The following CPLX1 variants were observed in gnomAD, a reference collection of about 807,000 sequenced individuals.
The protein encoded by CPLX1 is complexin 1.
In CPLX1, 6 loss-of-function variants were observed where a neutral mutation model predicts 15.6. That is an observed-to-expected ratio of 0.39 (90% confidence interval 0.21 to 0.76). The LOEUF (loss-of-function observed/expected upper bound fraction) is 0.76, where lower values mean the gene tolerates loss of function less well. Ranked by LOEUF, CPLX1 falls within the 30% of genes least tolerant of loss-of-function variation. CPLX1 has a pLI of 0.43. For missense variants in CPLX1, 242 were observed against 188.6 expected (o/e 1.28, Z -1.66); for synonymous variants, 91 against 75.2 (o/e 1.21, Z -1.08).
intron 2 of CPLX1, among the ~76,000 whole-genome samples, chr4:794,727 G>A: frequency 6.6e-6 from 1 of 152,198 alleles, no homozygotes; most frequent in African/African-American, 2.4e-5. Context: ...GGAAAGGACT[G>A]GCGTCTATAA....
chr4:792,290 C>T lies in CPLX1; in HGVS notation c.207+143G>A, dbSNP rs917219894. ...CCGGAGCCCCCACCCCTCACCCCTC[C>T]GCCACTCTGAAGCCCCCAAAGGGTA... On this transcript the variant is annotated intron_variant, in intron 3 of 3. Transcript: ENST00000304062. 1.7e-5 allele frequency: 12 copies of T among 724,188 alleles called. No homozygotes were observed. In the South Asian group the frequency reaches 1.7e-4, roughly 10 times the overall value. 44.9% of individuals were successfully genotyped at this position (724,188 alleles called of 1,614,324 possible).
intron 2 of CPLX1, among the ~76,000 whole-genome samples, chr4:814,277 A>C (rs1449431044): frequency 6.6e-6 from 1 of 151,972 alleles, no homozygotes; most frequent in Admixed American, 6.6e-5. Context: ...CAGTAGCGCA[A>C]TCTCAGCTCA....
intron 2 of CPLX1, among the ~76,000 whole-genome samples, chr4:804,328 C>T (rs779451200): frequency 6.6e-6 from 1 of 152,198 alleles, no homozygotes; most frequent in Non-Finnish European, 1.5e-5. Context: ...GATGTGGCAG[C>T]ATGGCTAAAT....
chr4:796,164 G>A (rs1466076900), intron 2 of CPLX1, among the ~76,000 whole-genome samples: 1 of 152,192 alleles, frequency 6.6e-6, no homozygotes, highest in East Asian at 1.9e-4. Context: ...TAATGTATAT[G>A]TAAATACTAC....
intron 2 of CPLX1, among the ~76,000 whole-genome samples, chr4:824,237 G>A (rs1746930178): frequency 6.6e-6 from 1 of 152,242 alleles, no homozygotes; most frequent in African/African-American, 2.4e-5. Flanking sequence ...CCACAGCAGT[G>A]GGGCAGAGTG....
chr4:819,860 T>C (rs1215526674), intron 2 of CPLX1, among the ~76,000 whole-genome samples: 1 of 152,180 alleles, frequency 6.6e-6, no homozygotes, highest in African/African-American at 2.4e-5. Context: ...AGCAGCCACT[T>C]TGAGATTGTG....
intron 2 of CPLX1, among the ~76,000 whole-genome samples, chr4:811,551 T>C (rs1167269242): frequency 6.6e-6 from 1 of 152,248 alleles, no homozygotes; most frequent in African/African-American, 2.4e-5. Flanking sequence ...CTGTCTTTAT[T>C]TCTCATTGCA....
At chr4:811,077 G>C (rs1482556608) in intron 2 of CPLX1, among the ~76,000 whole-genome samples, 2 of 152,088 alleles carry the variant, frequency 1.3e-5, no homozygotes, top group Non-Finnish European at 2.9e-5. Context: ...ATGGCTCACT[G>C]CAGCCTTGAA....
intron 3 of CPLX1, chr4:787,495 T>C (rs540861312): frequency 1.3e-5 from 10 of 744,282 alleles, no homozygotes; most frequent in South Asian, 6.1e-5. Context: ...GAGGCCATCC[T>C]GGATTTGAGG....
chr4:809,822 A>G (rs1746628758), intron 2 of CPLX1, among the ~76,000 whole-genome samples: 1 of 151,940 alleles, frequency 6.6e-6, no homozygotes. Flanking sequence ...TTTCTCTAGA[A>G]CTTTATATAA....
Position 792,484 on chromosome 4 carries a change from G to A in CPLX1, c.156C>T (p.Tyr52=), listed in dbSNP as rs756306382. Residue 52 remains tyrosine, a synonymous_variant, in exon 3 of 4, where the codon TAC becomes TAT. Coordinates refer to ENST00000304062, the MANE Select transcript of CPLX1 (RefSeq NM_006651.4). The part of the protein sequence containing the change: ...RQAEEERKAK[Y]AKMEAEREAV... ...CCTCGCGCTCCGCCTCCATCTTGGCGTACTTGGCCTTGCGCTCCTCCTCCG... is the reference window on the plus strand; with the variant it reads ...CCTCGCGCTCCGCCTCCATCTTGGCATACTTGGCCTTGCGCTCCTCCTCCG... The A allele has an allele frequency of 3.7e-6, 6 of 1,612,288 alleles. No homozygotes were observed. The South Asian group carries it at 5.5e-5, about 15-fold the overall frequency.
At chr4:815,581 C>T (rs377593348) in intron 2 of CPLX1, among the ~76,000 whole-genome samples, 20 of 152,308 alleles carry the variant, frequency 1.3e-4, no homozygotes, top group East Asian at 9.6e-4. Flanking sequence ...AGGAGGTTAA[C>T]ACGTGGCATC....
chr4:797,555 T>C (rs1470399725), intron 2 of CPLX1, among the ~76,000 whole-genome samples: 1 of 152,004 alleles, frequency 6.6e-6, no homozygotes, highest in Non-Finnish European at 1.5e-5. Flanking sequence ...CTCGAACTCT[T>C]GACCTCCTGA....
In CPLX1 at chr4:786,284, G is replaced by A. The variant is rs1745983239; in HGVS notation, c.*217C>T. The A allele has an allele frequency of 4.8e-6, 2 of 414,074 alleles. No individual in the cohort carries two copies. Among genetic ancestry groups the A allele is most frequent in the African/African-American group, 4.2e-5 (2 of 48,148 alleles). 25.6% of individuals were successfully genotyped at this position (414,074 alleles called of 1,614,324 possible). ...GGGCGTCCCAGGCGATGGGGCTCCAGCCACCCGCGGGCAGAGGAGCACGGG... is the reference window on the plus strand; with the variant it reads ...GGGCGTCCCAGGCGATGGGGCTCCAACCACCCGCGGGCAGAGGAGCACGGG... On this transcript the variant is annotated 3_prime_UTR_variant, in exon 4 of 4. Coordinates refer to ENST00000304062, the MANE Select transcript of CPLX1 (RefSeq NM_006651.4).
In CPLX1 at chr4:786,704, G is replaced by A. The variant is rs746337590; in HGVS notation, c.208-6C>T. The A allele has an allele frequency of 6.3e-7, 1 of 1,588,096 alleles. No homozygotes were observed. The highest frequency in any genetic ancestry group is 1.1e-5 in the South Asian group (1 of 88,404). On this transcript the variant is annotated splice_polypyrimidine_tract_variant and splice_region_variant and intron_variant, in intron 3 of 3. Coordinates refer to ENST00000304062, the MANE Select transcript of CPLX1 (RefSeq NM_006651.4). ...TCCTTCTTCTTGATGCCGTACTGCG[G>A]GGGAGGCGGGGGTCAGGGCGGGGGT... is the stretch of plus-strand genomic sequence containing the variant.
At chr4:813,133 C>T (rs1024695433) in intron 2 of CPLX1, among the ~76,000 whole-genome samples, 1 of 151,952 alleles carries the variant, frequency 6.6e-6, no homozygotes, top group African/African-American at 2.4e-5. Context: ...GGTGTGGTGG[C>T]AGATGCCTGT....
intron 1 of CPLX1, chr4:824,863 C>A: frequency 4.0e-6 from 2 of 495,664 alleles, no homozygotes; most frequent in Non-Finnish European, 7.6e-6. Flanking sequence ...GGGCATCGCT[C>A]AGAGGCGCCT....
chr4:787,378 G>T (rs1052867495), intron 3 of CPLX1: 3 of 985,044 alleles, frequency 3.0e-6, no homozygotes, highest in Non-Finnish European at 3.6e-6. Context: ...TCTGCCCTCC[G>T]TAGTAGCTGA....
intron 2 of CPLX1, among the ~76,000 whole-genome samples, chr4:807,927 G>A (rs1218108601): frequency 6.6e-6 from 1 of 152,190 alleles, no homozygotes; most frequent in Admixed American, 6.6e-5. Flanking sequence ...AAATAAGGCT[G>A]CATGCTTTGG....
Sources: allele counts gnomAD v4.1 joint callset (sites outside exome capture counted in the v4.1 genomes callset), GRCh38; gene constraint gnomAD v4.1.1; transcripts MANE v1.5; gene names NCBI Gene and HGNC (gene_info 2026-07-23, HGNC 2026-07-21).